Variants in CYP2C19 observed in about 807,000 individuals in gnomAD.
CYP2C19 encodes cytochrome P450 family 2 subfamily C member 19, also known as cytochrome P450 2C19.
Under a neutral mutation model 40.9 loss-of-function variants are expected in CYP2C19, and 59 were observed. The ratio of observed to expected loss-of-function variants is 1.44; its 90% CI spans 1.17 to 1.79. CYP2C19 has a LOEUF of 1.79. CYP2C19 is among the 40% of genes most tolerant of loss of function. The pLI is 0.00. For synonymous variants in CYP2C19, 253 were observed against 208.7 expected, an observed-to-expected ratio of 1.21 and a Z score of -1.83; for missense variants, 754 against 596.9, an observed-to-expected ratio of 1.26 and a Z score of -2.74.
At chr10:94,845,756 GTACT>G (rs1849564437) in intron 7 of CYP2C19, among the ~76,000 whole-genome samples, 1 of 151,846 alleles carries the variant, frequency 6.6e-6, no homozygotes. Context: ...TTTTAATATA[GTACT>G]TATTTATAAA....
intron 3 of CYP2C19, among the ~76,000 whole-genome samples, chr10:94,777,931 C>T (rs983835443): frequency 6.6e-6 from 1 of 151,910 alleles, no homozygotes; most frequent in Admixed American, 6.6e-5. Flanking sequence ...CCACAAGGAA[C>T]TTAAACAAAT....
rs922468857 is a variant in CYP2C19 at position 94,854,343 on chromosome 10, C to A, written c.*1429C>A. Among the ~76,000 whole-genome samples, 1 of 151,986 alleles carries A rather than the reference C, an allele frequency of 6.6e-6. No individual in the cohort carries two copies. The highest frequency in any genetic ancestry group is 2.4e-5 in the African/African-American group (1 of 41,390). On this transcript the variant is annotated 3_prime_UTR_variant, in exon 9 of 9. Transcript: ENST00000371321. Reference sequence around the variant, plus strand: ...TGAACAAAATTTCTAAGAAGAATTACCAGGGTTTAATCTTTTTCAGCTTCT... The same window carrying A: ...TGAACAAAATTTCTAAGAAGAATTAACAGGGTTTAATCTTTTTCAGCTTCT...
rs118076754 is a variant in CYP2C19, at chr10:94,822,554, T to C, written c.961+1917T>C. Reference sequence around the variant, plus strand: ...GAACATATTGGTGTGTGTGTCTTTTTGATAGAATGAATTTTTTTGGGGGGG... The same window carrying C: ...GAACATATTGGTGTGTGTGTCTTTTCGATAGAATGAATTTTTTTGGGGGGG... On this transcript the variant is annotated intron_variant, in intron 6 of 8. Coordinates refer to ENST00000371321, the MANE Select transcript of CYP2C19 (RefSeq NM_000769.4). 5.0e-3 allele frequency among the ~76,000 whole-genome samples: 766 copies of C among 152,286 alleles called. 1 individual carries two copies. The highest frequency in any genetic ancestry group is 7.5e-3 in the Non-Finnish European group (507 of 68,018).
Position 94,762,719 on chromosome 10 carries a change from T to C in CYP2C19, c.14T>C (p.Val5Ala). MDPF[V>A]VLVLCLSCLL... ...GAGAAGGCTTCAATGGATCCTTTTGTGGTCCTTGTGCTCTGTCTCTCATGT... is the reference window on the plus strand; with the variant it reads ...GAGAAGGCTTCAATGGATCCTTTTGCGGTCCTTGTGCTCTGTCTCTCATGT... Residue 5 changes from valine to alanine, a missense_variant, in exon 1 of 9, where the codon GTG becomes GCG. Coordinates refer to ENST00000371321, the MANE Select transcript of CYP2C19 (RefSeq NM_000769.4). 1.2e-6 allele frequency: 2 copies of C among 1,613,508 alleles called. No homozygotes were observed. Among genetic ancestry groups the C allele is most frequent in the East Asian group, 4.5e-5 (2 of 44,868 alleles).
chr10:94,850,554 T>C (rs1453814831), intron 8 of CYP2C19, among the ~76,000 whole-genome samples: 1 of 152,180 alleles, frequency 6.6e-6, no homozygotes, highest in Non-Finnish European at 1.5e-5. Context: ...TCAATAGGAC[T>C]GAGGCTGTGA....
At chr10:94,830,337 G>C (rs985016069) in intron 6 of CYP2C19, among the ~76,000 whole-genome samples, 58 of 152,368 alleles carry the variant, frequency 3.8e-4, no homozygotes, top group Admixed American at 7.2e-4. Context: ...TCCGAGCCAG[G>C]TGCGGGATAT....
chr10:94,792,817 T>G (rs1848622226), intron 5 of CYP2C19, among the ~76,000 whole-genome samples: 1 of 152,200 alleles, frequency 6.6e-6, no homozygotes, highest in African/African-American at 2.4e-5. Flanking sequence ...TTGGTGAATC[T>G]GACAATTATG....
chr10:94,769,038 A>G (rs1848290200), intron 1 of CYP2C19, among the ~76,000 whole-genome samples: 1 of 152,064 alleles, frequency 6.6e-6, no homozygotes, highest in African/African-American at 2.4e-5. Context: ...CAATTGTTTT[A>G]ATGTCTTAGG....
At chr10:94,776,073 T>A (rs1848405171) in intron 3 of CYP2C19, 1 of 159,812 alleles carries the variant, frequency 6.3e-6, no homozygotes, top group African/African-American at 2.4e-5. Flanking sequence ...ATTCTACAGT[T>A]TTTATTGCTT....
chr10:94,793,852 C>T (rs558481526), intron 5 of CYP2C19, among the ~76,000 whole-genome samples: 1 of 152,174 alleles, frequency 6.6e-6, no homozygotes, highest in African/African-American at 2.4e-5. Flanking sequence ...AGATTTCAAA[C>T]TTCCTGTTGG....
chr10:94,853,644 C>G lies in CYP2C19; in HGVS notation c.*730C>G, dbSNP rs975044288. Among the ~76,000 whole-genome samples the G allele has an allele frequency of 2.7e-5, 4 of 150,880 alleles. No homozygotes were observed. Among genetic ancestry groups the G allele is most frequent in the African/African-American group, 9.7e-5 (4 of 41,034 alleles). On this transcript the variant is annotated 3_prime_UTR_variant, in exon 9 of 9. Coordinates refer to ENST00000371321, the MANE Select transcript of CYP2C19 (RefSeq NM_000769.4). ...CACTGTAACCTTCGCCTCCCAGGCT[C>G]AAGAGATTCTCCTGCCTCAGCCTCC...
At position 94,826,713 on chromosome 10, in the gene CYP2C19, G is replaced by C. The variant is rs372602287; in HGVS notation, c.961+6076G>C. On this transcript the variant is annotated intron_variant, in intron 6 of 8. Transcript: ENST00000371321. ...ACACTATGTTGAATAGGAGTGGCAA[G>C]AGAAGGCATCCCTGTCTTGTGCCAG... 1.6e-4 allele frequency among the ~76,000 whole-genome samples: 25 copies of C among 152,334 alleles called. No individual in the cohort carries two copies. The East Asian group carries it at 4.0e-3, about 25-fold the overall frequency.
Position 94,853,403 on chromosome 10 carries a change from T to C in CYP2C19, c.*489T>C, listed in dbSNP as rs1279011824. 1.3e-5 allele frequency among the ~76,000 whole-genome samples: 2 copies of C among 152,180 alleles called. No homozygotes were observed. Among genetic ancestry groups the C allele is most frequent in the Admixed American group, 6.6e-5 (1 of 15,266 alleles). ...AAGATGGTAGGGAAGCTATTTTGGC[T>C]GAGCATTACCAAAATTTAGAGTTAC... On this transcript the variant is annotated 3_prime_UTR_variant, in exon 9 of 9. Transcript: ENST00000371321.
chr10:94,775,498 A>T lies in CYP2C19; in HGVS notation c.440A>T (p.Glu147Val). 1 of 1,614,032 alleles carries T rather than the reference A, an allele frequency of 6.2e-7. No homozygotes were observed. The highest frequency in any genetic ancestry group is 8.5e-7 in the Non-Finnish European group (1 of 1,179,960). The change falls in exon 3 of 9, where the codon GAG becomes GTG. Residue 147 changes from glutamate (E) to valine (V), a missense_variant. Glu to Val is a moderately radical substitution (Grantham distance 121, BLOSUM62 -2). Coordinates refer to ENST00000371321, the MANE Select transcript of CYP2C19 (RefSeq NM_000769.4). ...GKRSIEDRVQ[E>V]EARCLVEELR... ...AGGAGCATTGAGGACCGTGTTCAAG[A>T]GGAAGCCCGCTGCCTTGTGGAGGAG...
In CYP2C19 at chr10:94,781,889, T is replaced by C. The variant is rs774238831; in HGVS notation, c.711T>C (p.Leu237=). ...PGTHNKLLKN[L]AFMESDILEK... is the part of the protein sequence containing the mutation. ...CCCATAACAAATTACTTAAAAACCT[T>C]GCTTTTATGGAAAGTGATATTTTGG... Residue 237 remains leucine, a synonymous_variant, in exon 5 of 9, where the codon CTT becomes CTC. Coordinates refer to ENST00000371321, the MANE Select transcript of CYP2C19 (RefSeq NM_000769.4). 80 of 1,502,272 alleles carry C rather than the reference T, an allele frequency of 5.3e-5. No homozygotes were observed. Among genetic ancestry groups the C allele is most frequent in the South Asian group, 1.0e-4 (7 of 70,044 alleles). 93.1% of individuals were successfully genotyped at this position (1,502,272 alleles called of 1,614,324 possible).
chr10:94,818,268 T>C (rs1291888534), intron 5 of CYP2C19, among the ~76,000 whole-genome samples: 5 of 147,672 alleles, frequency 3.4e-5, no homozygotes, highest in African/African-American at 5.0e-5. Context: ...TTGGTACCAG[T>C]ACCATGCTGT....
At chr10:94,821,973 A>G (rs1275821150) in intron 6 of CYP2C19, among the ~76,000 whole-genome samples, 1 of 152,058 alleles carries the variant, frequency 6.6e-6, no homozygotes, top group East Asian at 1.9e-4. Context: ...CTCAGTGTCT[A>G]TTGTTCCCAT....
At chr10:94,803,539 G>A (rs765187734) in intron 5 of CYP2C19, among the ~76,000 whole-genome samples, 25 of 152,186 alleles carry the variant, frequency 1.6e-4, no homozygotes, top group Admixed American at 7.9e-4. Flanking sequence ...CTCAGCCCCA[G>A]GGGAATCAAG....
intron 8 of CYP2C19, 141 bp downstream of exon 8, chr10:94,850,199 T>A: frequency 1.0e-6 from 1 of 969,160 alleles, no homozygotes; most frequent in Non-Finnish European, 1.6e-6. Context: ...GCCTGTGTTT[T>A]CTCCGCTGGT....
Sources: allele counts gnomAD v4.1 joint callset (sites outside exome capture counted in the v4.1 genomes callset), GRCh38; gene constraint gnomAD v4.1.1; transcripts MANE v1.5; gene names NCBI Gene and HGNC (gene_info 2026-07-23, HGNC 2026-07-21).